Variants in SYNDIG1 observed in about 807,000 individuals in gnomAD.
SYNDIG1 encodes synapse differentiation-inducing gene protein 1.
A neutral mutation model predicts 19.4 loss-of-function variants in SYNDIG1; 9 were observed. That is an observed-to-expected ratio of 0.46 (90% confidence interval 0.28 to 0.81). The LOEUF is 0.81. Ranked by LOEUF, SYNDIG1 falls within the 30% of genes least tolerant of loss-of-function variation. The probability of loss-of-function intolerance (pLI) is 0.12; values close to 1 mark genes in which losing one functional copy is unlikely to be tolerated. For missense variants in SYNDIG1, 311 were observed against 343.3 expected (o/e 0.91, Z 0.74); for synonymous variants, 141 against 145.9 (o/e 0.97, Z 0.24).
chr20:24,482,789 T>A (rs139661176), intron 1 of SYNDIG1, among the ~76,000 whole-genome samples: 89 of 152,338 alleles, frequency 5.8e-4, no homozygotes, highest in Non-Finnish European at 1.2e-3. Flanking sequence ...TGGATCAATG[T>A]CCATGGTAAA....
chr20:24,499,218 T>G (rs1301650445), intron 1 of SYNDIG1, among the ~76,000 whole-genome samples: 1 of 152,092 alleles, frequency 6.6e-6, no homozygotes, highest in East Asian at 1.9e-4. Context: ...AGACATGGGG[T>G]TTCACCATGT....
intron 3 of SYNDIG1, among the ~76,000 whole-genome samples, chr20:24,646,669 T>A (rs950713351): frequency 6.6e-6 from 1 of 151,782 alleles, no homozygotes; most frequent in East Asian, 1.9e-4. Context: ...TCACCGAGGC[T>A]GGAGTACAGT....
chr20:24,616,683 A>T (rs1308838700), intron 3 of SYNDIG1, among the ~76,000 whole-genome samples: 2 of 152,200 alleles, frequency 1.3e-5, no homozygotes, highest in African/African-American at 4.8e-5. Context: ...AGGCAGCTGG[A>T]CAGGGCTGAG....
At chr20:24,495,742 G>T (rs2056284874) in intron 1 of SYNDIG1, 1 of 152,244 alleles carries the variant, frequency 6.6e-6, no homozygotes. Flanking sequence ...TACTCACATG[G>T]GATCACATTG....
intron 1 of SYNDIG1, among the ~76,000 whole-genome samples, chr20:24,533,252 G>A (rs571659366): frequency 2.0e-5 from 3 of 152,056 alleles, no homozygotes; most frequent in African/African-American, 7.2e-5. Flanking sequence ...GTTTGTCCAC[G>A]TAGGCACATT....
intron 1 of SYNDIG1, among the ~76,000 whole-genome samples, chr20:24,526,577 A>C (rs1266333557): frequency 1.3e-5 from 2 of 152,074 alleles, no homozygotes; most frequent in African/African-American, 4.8e-5. Context: ...ATAGAGAGAG[A>C]GATATAGATA....
chr20:24,578,428 C>T (rs931508825), intron 2 of SYNDIG1, among the ~76,000 whole-genome samples: 13 of 139,046 alleles, frequency 9.3e-5, no homozygotes, highest in Admixed American at 2.3e-4. Context: ...GGAGACAGTG[C>T]GAGACTCTGT....
intron 1 of SYNDIG1, among the ~76,000 whole-genome samples, chr20:24,498,758 G>T (rs1451632669): frequency 6.6e-6 from 1 of 152,136 alleles, no homozygotes; most frequent in Non-Finnish European, 1.5e-5. Flanking sequence ...TCCCTCTTTC[G>T]TAAGGTTGAC....
At chr20:24,616,981 G>T (rs2058944826) in intron 3 of SYNDIG1, among the ~76,000 whole-genome samples, 1 of 152,124 alleles carries the variant, frequency 6.6e-6, no homozygotes, top group South Asian at 2.1e-4. Context: ...GGCCAAGGAG[G>T]TGGCTTCGGT....
At chr20:24,581,969 G>A (rs1476884859) in intron 2 of SYNDIG1, among the ~76,000 whole-genome samples, 1 of 148,562 alleles carries the variant, frequency 6.7e-6, no homozygotes, top group African/African-American at 2.5e-5. Flanking sequence ...CCTCCCCACT[G>A]CACATCCTCC....
chr20:24,585,048 T>TGGGGGGGTGTTGAGGGGGGGGGGGG, intron 3 of SYNDIG1, 55 bp downstream of exon 3: 1 of 395,196 alleles, frequency 2.5e-6, no homozygotes, highest in South Asian at 2.6e-5. Context: ...AGGGTGGGGG[T>TGGGGGGGTGTTGAGGGGGGGGGGGG]GGGGGCGGCA....
chr20:24,490,376 G>A (rs2056111796), intron 1 of SYNDIG1, among the ~76,000 whole-genome samples: 2 of 152,160 alleles, frequency 1.3e-5, no homozygotes, highest in African/African-American at 4.8e-5. Flanking sequence ...TGGCAGTTTG[G>A]AAATGAGGAG....
intron 3 of SYNDIG1, among the ~76,000 whole-genome samples, chr20:24,633,936 A>G (rs2059286330): frequency 6.6e-6 from 1 of 152,220 alleles, no homozygotes; most frequent in South Asian, 2.1e-4. Context: ...GGTCACCTGC[A>G]TCCGCCAAAC....
intron 3 of SYNDIG1, among the ~76,000 whole-genome samples, chr20:24,592,801 G>A (rs760919239): frequency 2.0e-5 from 3 of 152,084 alleles, no homozygotes; most frequent in Non-Finnish European, 4.4e-5. Flanking sequence ...TTGTAGAGAT[G>A]GGGATCTCTC....
chr20:24,641,744 C>A (rs553042482), intron 3 of SYNDIG1, among the ~76,000 whole-genome samples: 2 of 152,130 alleles, frequency 1.3e-5, no homozygotes, highest in African/African-American at 2.4e-5. Flanking sequence ...AAGGATGGAG[C>A]ACGGAGTGTG....
At chr20:24,600,775 T>C (rs1459635056) in intron 3 of SYNDIG1, among the ~76,000 whole-genome samples, 1 of 152,012 alleles carries the variant, frequency 6.6e-6, no homozygotes, top group Non-Finnish European at 1.5e-5. Context: ...CCACCACGCC[T>C]GGCTAATTTT....
chr20:24,544,334 G>T (rs2057532625), intron 2 of SYNDIG1, among the ~76,000 whole-genome samples: 1 of 152,172 alleles, frequency 6.6e-6, no homozygotes, highest in Non-Finnish European at 1.5e-5. Flanking sequence ...TCATTCCACT[G>T]CAGTGAGGCC....
chr20:24,488,343 A>G (rs1263934361), intron 1 of SYNDIG1, among the ~76,000 whole-genome samples: 1 of 152,222 alleles, frequency 6.6e-6, no homozygotes, highest in East Asian at 1.9e-4. Flanking sequence ...GACGTTTCCC[A>G]TTTGTGCACA....
chr20:24,479,488 A>C (rs1412074725), intron 1 of SYNDIG1, among the ~76,000 whole-genome samples: 1 of 152,064 alleles, frequency 6.6e-6, no homozygotes, highest in African/African-American at 2.4e-5. Context: ...CCCATTCTCT[A>C]TCTGCTCCCT....
Sources: allele counts gnomAD v4.1 joint callset (sites outside exome capture counted in the v4.1 genomes callset), GRCh38; gene constraint gnomAD v4.1.1; transcripts MANE v1.5; gene names NCBI Gene and HGNC (gene_info 2026-07-23, HGNC 2026-07-21).